ORC4: variants seen among roughly 807,000 people sequenced by gnomAD.
ORC4 encodes the protein origin recognition complex, subunit 4 homolog.
A neutral mutation model predicts 63.9 loss-of-function variants in ORC4; 55 were observed. The observed-to-expected ratio is 0.86, with a 90% CI of 0.69 to 1.08. ORC4 has a LOEUF of 1.08. Ranked by LOEUF, ORC4 falls within the 50% of genes least tolerant of loss-of-function variation. The pLI is 0.00. For missense variants in ORC4, 511 were observed against 504.4 expected, an observed-to-expected ratio of 1.01 and a Z score of -0.13; for synonymous variants, 150 against 168.5, an observed-to-expected ratio of 0.89 and a Z score of 0.85.
rs989578134 is a variant in ORC4 at position 147,989,956 on chromosome 2, T to G, written c.-17-13981A>C. Reference sequence around the variant, plus strand: ...AATACCCTTACTTTGAGGCAAAACCTTACAGCTCCAGCAGATGGGGGCATT... The same window carrying G: ...AATACCCTTACTTTGAGGCAAAACCGTACAGCTCCAGCAGATGGGGGCATT... On this transcript the variant is annotated intron_variant, in intron 1 of 13. Transcript: ENST00000392857. Among the ~76,000 whole-genome samples, 11 of 152,118 alleles carry G rather than the reference T, an allele frequency of 7.2e-5. No individual in the cohort carries two copies. The East Asian group carries it at 2.1e-3, about 29-fold the overall frequency.
Position 147,935,678 on chromosome 2 carries a change from T to C in ORC4, c.1143A>G (p.Gln381=), listed in dbSNP as rs1320707494. ...TTTCCATGGGCTTTATTAATTCTAATTGCTGCAAGTGTTCAAAAGCCTGAA... is the reference window on the plus strand; with the variant it reads ...TTTCCATGGGCTTTATTAATTCTAACTGCTGCAAGTGTTCAAAAGCCTGAA... The part of the protein sequence containing the change: ...VVMKAFEHLQ[Q]LELIKPMERT... Residue 381 remains glutamine (Q), a synonymous_variant, in exon 14 of 14, where the codon CAA becomes CAG. Coordinates refer to ENST00000392857, the MANE Select transcript of ORC4 (RefSeq NM_181741.4). 2 of 1,612,790 alleles carry C rather than the reference T, an allele frequency of 1.2e-6. No individual in the cohort carries two copies. Among genetic ancestry groups the C allele is most frequent in the Non-Finnish European group, 1.7e-6 (2 of 1,179,702 alleles).
intron 1 of ORC4, among the ~76,000 whole-genome samples, chr2:148,014,606 A>T (rs1693153343): frequency 6.6e-6 from 1 of 152,340 alleles, no homozygotes; most frequent in South Asian, 2.1e-4. Context: ...ACAACAAATG[A>T]ACTATGAATA....
At chr2:147,972,707 G>A (rs1469644838) in intron 4 of ORC4, 32 bp downstream of exon 4, 4 of 1,284,444 alleles carry the variant, frequency 3.1e-6, no homozygotes, top group South Asian at 1.2e-5. Context: ...ATCATCACAT[G>A]CCAACAAACA....
intron 8 of ORC4, chr2:147,951,419 CATAA>C (rs1688953350): frequency 6.6e-6 from 1 of 152,164 alleles, no homozygotes; most frequent in South Asian, 2.1e-4. Context: ...AGTGGACCCT[CATAA>C]ATAGATTTAA....
At chr2:147,975,789 AAG>A in intron 2 of ORC4, 111 bp downstream of exon 2, 1 of 753,676 alleles carries the variant, frequency 1.3e-6, no homozygotes. Flanking sequence ...TAAGGTTAGA[AAG>A]AGTGATTCTT....
intron 2 of ORC4, among the ~76,000 whole-genome samples, chr2:147,974,807 T>TAAAA (rs35378474): frequency 1.7e-5 from 2 of 119,908 alleles, no homozygotes; most frequent in South Asian, 2.7e-4. Context: ...ATCTTTTCCT[T>TAAAA]AAAAAAAAAA....
chr2:147,971,760 A>G (rs1377277755), intron 4 of ORC4, among the ~76,000 whole-genome samples: 1 of 152,056 alleles, frequency 6.6e-6, no homozygotes, highest in Non-Finnish European at 1.5e-5. Context: ...GAGGACTAAA[A>G]CAAATTAAAC....
chr2:147,963,702 T>C (rs1689738226), intron 4 of ORC4, among the ~76,000 whole-genome samples: 1 of 151,962 alleles, frequency 6.6e-6, no homozygotes, highest in Non-Finnish European at 1.5e-5. Context: ...GTGTGTCAGA[T>C]CCCAAGGTGA....
intron 1 of ORC4, among the ~76,000 whole-genome samples, chr2:147,980,787 C>A (rs1690839350): frequency 6.6e-6 from 1 of 152,110 alleles, no homozygotes; most frequent in African/African-American, 2.4e-5. Context: ...TTAGTATAAT[C>A]ATTATGGAAA....
chr2:147,987,819 C>T (rs192563267), intron 1 of ORC4, among the ~76,000 whole-genome samples: 4 of 151,964 alleles, frequency 2.6e-5, no homozygotes, highest in South Asian at 2.1e-4. Flanking sequence ...TTTGGGAGGC[C>T]GAGGCGGGCA....
intron 4 of ORC4, among the ~76,000 whole-genome samples, chr2:147,971,344 GAA>G (rs940626398): frequency 6.6e-6 from 1 of 151,252 alleles, no homozygotes; most frequent in Non-Finnish European, 1.5e-5. Context: ...AGTATGAAAA[GAA>G]AAGCCACAGA....
At chr2:147,966,018 C>A (rs1689872347) in intron 4 of ORC4, among the ~76,000 whole-genome samples, 1 of 151,750 alleles carries the variant, frequency 6.6e-6, no homozygotes, top group Admixed American at 6.6e-5. Flanking sequence ...CCAGCCTGGG[C>A]AAAATAGGGA....
rs1030502765 is a variant in ORC4 at position 147,932,203 on chromosome 2, C to T, written c.*3307G>A. On this transcript the variant is annotated 3_prime_UTR_variant, in exon 14 of 14. Transcript: ENST00000392857. ...CAAATCATGAGTGAACTCCCATTCA[C>T]AATTGCTTCAAAGAGAATAAAATAC... 2 of 150,870 alleles carry T rather than the reference C, an allele frequency of 1.3e-5. No individual in the cohort carries two copies. Among genetic ancestry groups the T allele is most frequent in the Non-Finnish European group, 3.0e-5 (2 of 67,608 alleles). The allele number at this position is 150,870 out of a possible 1,614,324, so 9.3% of individuals were successfully genotyped here.
intron 1 of ORC4, among the ~76,000 whole-genome samples, chr2:147,988,236 A>G (rs1343641572): frequency 6.6e-6 from 1 of 152,138 alleles, no homozygotes; most frequent in Non-Finnish European, 1.5e-5. Context: ...GAAGAGTTCA[A>G]GATCAATAAC....
Position 147,967,170 on chromosome 2 carries a change from GA to G in ORC4, c.225+5568del, listed in dbSNP as rs575766244. On this transcript the variant is annotated intron_variant, in intron 4 of 13. Coordinates refer to ENST00000392857, the MANE Select transcript of ORC4 (RefSeq NM_181741.4). ...TGATAGAAACTGTCAAAAAGGTATA[GA>G]AAAAAAACACCACAACACAGTAAAG... is the stretch of plus-strand genomic sequence containing the variant. 1.2e-4 allele frequency among the ~76,000 whole-genome samples: 18 copies of G among 151,352 alleles called. No homozygotes were observed. In the South Asian group the frequency reaches 3.6e-3, roughly 30 times the overall value.
At chr2:147,974,128 C>T (rs917210536) in intron 2 of ORC4, among the ~76,000 whole-genome samples, 1 of 152,080 alleles carries the variant, frequency 6.6e-6, no homozygotes, top group Non-Finnish European at 1.5e-5. Context: ...AATCTGAGTT[C>T]TTGTTCCATG....
At chr2:147,969,249 TAAC>T (rs1180989596) in intron 4 of ORC4, among the ~76,000 whole-genome samples, 1 of 151,958 alleles carries the variant, frequency 6.6e-6, no homozygotes, top group African/African-American at 2.4e-5. Context: ...TGACTATAAT[TAAC>T]AATAATATTT....
At chr2:147,988,426 C>T (rs1558864458) in intron 1 of ORC4, among the ~76,000 whole-genome samples, 1 of 150,870 alleles carries the variant, frequency 6.6e-6, no homozygotes, top group African/African-American at 2.4e-5. Context: ...AGGTTGCAAT[C>T]TTGGCTCACT....
intron 1 of ORC4, among the ~76,000 whole-genome samples, chr2:147,986,424 T>C (rs1486553323): frequency 1.3e-5 from 2 of 151,972 alleles, no homozygotes; most frequent in Non-Finnish European, 2.9e-5. Flanking sequence ...ATGTATCAAA[T>C]ATGAAAAGAA....
Sources: allele counts gnomAD v4.1 joint callset (sites outside exome capture counted in the v4.1 genomes callset), GRCh38; gene constraint gnomAD v4.1.1; transcripts MANE v1.5; gene names NCBI Gene and HGNC (gene_info 2026-07-23, HGNC 2026-07-21).